CNEP1R1: variants seen among roughly 807,000 people sequenced by gnomAD.
CNEP1R1 encodes nuclear envelope phosphatase-regulatory subunit 1.
CNEP1R1 carries 10 observed loss-of-function variants against 22.7 expected under a neutral mutation model. The ratio of observed to expected loss-of-function variants is 0.44; its 90% CI spans 0.27 to 0.75. The LOEUF is 0.75. Among genes scored for constraint, CNEP1R1 ranks in the 30% least tolerant of loss-of-function variants. The pLI, the probability that CNEP1R1 is intolerant of heterozygous loss-of-function variation, is 0.17. For missense variants in CNEP1R1, 73 were observed against 151.5 expected, an observed-to-expected ratio of 0.48 and a Z score of 2.72; for synonymous variants, 53 against 50.1, an observed-to-expected ratio of 1.06 and a Z score of -0.25.
In CNEP1R1 at chr16:50,035,706, G is replaced by A; in HGVS notation, c.*248G>A. 1 of 436,624 alleles carries A rather than the reference G, an allele frequency of 2.3e-6. No homozygotes were observed. Among genetic ancestry groups the A allele is most frequent in the Non-Finnish European group, 4.1e-6 (1 of 245,374 alleles). 27.0% of individuals were successfully genotyped at this position (436,624 alleles called of 1,614,324 possible). Reference sequence around the variant, plus strand: ...TACTTCAGATCCTGCAAATATTTTTGCAGATGAAGTATGTATGTATGTTAC... The same window carrying A: ...TACTTCAGATCCTGCAAATATTTTTACAGATGAAGTATGTATGTATGTTAC... On this transcript the variant is annotated 3_prime_UTR_variant, in exon 6 of 6. Transcript: ENST00000427478.
intron 3 of CNEP1R1, among the ~76,000 whole-genome samples, chr16:50,032,441 T>C (rs2036238820): frequency 6.6e-6 from 1 of 152,244 alleles, no homozygotes; most frequent in South Asian, 2.1e-4. Flanking sequence ...TAGTTCTTTA[T>C]GGATAGCTAC....
At chr16:50,026,783 T>C (rs770443515) in intron 2 of CNEP1R1, 4 of 240,430 alleles carry the variant, frequency 1.7e-5, no homozygotes, top group Non-Finnish European at 3.3e-5. Flanking sequence ...AAGACTAGCG[T>C]GGCCAACACG....
intron 1 of CNEP1R1, 149 bp downstream of exon 1, chr16:50,025,489 G>A (rs2036172218): frequency 9.0e-7 from 1 of 1,109,610 alleles, no homozygotes; most frequent in Non-Finnish European, 1.3e-6. Flanking sequence ...GTAGGCGGCC[G>A]TACCTGGCCA....
Position 50,025,290 on chromosome 16 carries a change from G to C in CNEP1R1, c.-26G>C, listed in dbSNP as rs537987713. ...GAAGCTGCGATGCGGACAGGGCAGC[G>C]GCGGTGACCCGAGCTGCCGCCCGAC... On this transcript the variant is annotated 5_prime_UTR_variant, in exon 1 of 6. Transcript: ENST00000427478. 7.0e-7 allele frequency: 1 copy of C among 1,426,352 alleles called. No homozygotes were observed. The highest frequency in any genetic ancestry group is 2.8e-5 in the East Asian group (1 of 36,202). 88.4% of individuals were successfully genotyped at this position (1,426,352 alleles called of 1,614,324 possible).
intron 1 of CNEP1R1, 91 bp downstream of exon 1, chr16:50,025,431 G>T: frequency 7.6e-7 from 1 of 1,312,884 alleles, no homozygotes; most frequent in Non-Finnish European, 1.0e-6. Flanking sequence ...CCCCGCCCCG[G>T]GAGGAGGCCG....
intron 3 of CNEP1R1, among the ~76,000 whole-genome samples, chr16:50,030,405 G>A (rs1471404669): frequency 2.0e-5 from 3 of 152,114 alleles, no homozygotes; most frequent in Non-Finnish European, 4.4e-5. Flanking sequence ...CTACACTCCA[G>A]CCTGTGTGAC....
intron 1 of CNEP1R1, chr16:50,026,026 T>A (rs537457116): frequency 4.2e-5 from 19 of 447,790 alleles, no homozygotes; most frequent in African/African-American, 3.7e-4. Flanking sequence ...TAATAGGAAG[T>A]TCTTGGTTCC....
Position 50,035,399 on chromosome 16 carries a change from G to A in CNEP1R1, c.337-18G>A, listed in dbSNP as rs1567412401. On this transcript the variant is annotated intron_variant, in intron 5 of 5. Transcript: ENST00000427478. ...TAGAACTGTGTATTGAAAAAATTCT[G>A]TCTTTTCATTTTTGCAGACAGGAAA... The A allele has an allele frequency of 3.4e-6, 5 of 1,478,294 alleles. No individual in the cohort carries two copies. The highest frequency in any genetic ancestry group is 4.7e-6 in the Non-Finnish European group (5 of 1,072,808). 91.6% of individuals were successfully genotyped at this position (1,478,294 alleles called of 1,614,324 possible).
At position 50,029,667 on chromosome 16, in the gene CNEP1R1, A is replaced by G. The variant is rs369907541; in HGVS notation, c.98-58A>G. 19 of 987,050 alleles carry G rather than the reference A, an allele frequency of 1.9e-5. No individual in the cohort carries two copies. The East Asian group carries it at 2.2e-4, about 11-fold the overall frequency. 61.1% of individuals were successfully genotyped at this position (987,050 alleles called of 1,614,324 possible). ...TGTCATTTAGTAGGAACTGGTGGTG[A>G]TAGTATCACATATTAAGTATGTATT... On this transcript the variant is annotated intron_variant, in intron 2 of 5. Transcript: ENST00000427478.
chr16:50,032,823 A>G (rs2036242524), intron 3 of CNEP1R1, among the ~76,000 whole-genome samples: 1 of 152,020 alleles, frequency 6.6e-6, no homozygotes. Context: ...TGGCCAACAT[A>G]GTGAAACCCC....
chr16:50,035,298 A>G, intron 5 of CNEP1R1, 119 bp from the exon 6 acceptor site: 1 of 612,154 alleles, frequency 1.6e-6, no homozygotes, highest in Admixed American at 3.2e-5. Flanking sequence ...TAATTGTTTA[A>G]TCTTGACTAT....
chr16:50,033,313 A>G (rs2036247142), intron 3 of CNEP1R1, 84 bp from the exon 4 acceptor site: 1 of 573,192 alleles, frequency 1.7e-6, no homozygotes, highest in Non-Finnish European at 3.1e-6. Context: ...AAAATATTAT[A>G]TATATTTATG....
intron 4 of CNEP1R1, 67 bp downstream of exon 4, chr16:50,033,573 G>C (rs984725171): frequency 2.3e-6 from 2 of 865,516 alleles, no homozygotes; most frequent in Non-Finnish European, 1.8e-6. Context: ...ATGGTTAAAA[G>C]CTTACTCTTG....
intron 2 of CNEP1R1, among the ~76,000 whole-genome samples, chr16:50,027,573 G>A (rs1000616365): frequency 1.1e-4 from 16 of 151,782 alleles, no homozygotes; most frequent in Non-Finnish European, 7.4e-5. Context: ...CAACTTGGGA[G>A]GATCACTTGA....
chr16:50,025,427 C>T (rs2036171397), intron 1 of CNEP1R1, 87 bp downstream of exon 1: 1 of 1,333,888 alleles, frequency 7.5e-7, no homozygotes. Context: ...AGACCCCCGC[C>T]CCGGGAGGAG....
intron 2 of CNEP1R1, among the ~76,000 whole-genome samples, chr16:50,027,476 C>A (rs1214943061): frequency 1.3e-5 from 2 of 149,630 alleles, no homozygotes; most frequent in Non-Finnish European, 3.0e-5. Context: ...CCACTGCACT[C>A]CAACCTGGGC....
intron 2 of CNEP1R1, among the ~76,000 whole-genome samples, chr16:50,027,954 G>T (rs765400915): frequency 3.3e-5 from 5 of 152,056 alleles, no homozygotes; most frequent in Non-Finnish European, 7.4e-5. Flanking sequence ...GTTTGGAATA[G>T]TTTTTATTTG....
chr16:50,025,461 C>A, intron 1 of CNEP1R1, 121 bp downstream of exon 1: 2 of 1,221,298 alleles, frequency 1.6e-6, no homozygotes, highest in Non-Finnish European at 2.2e-6. Context: ...GAGCTAGGGG[C>A]CCGGAGCTTG....
At position 50,029,885 on chromosome 16, in the gene CNEP1R1, C is replaced by T. The variant is rs767312057; in HGVS notation, c.171+87C>T. ...TTGTTAATGATAAAGTATTCAAACACTACCTATTAACTACTACTAGTGATA... is the reference window on the plus strand; with the variant it reads ...TTGTTAATGATAAAGTATTCAAACATTACCTATTAACTACTACTAGTGATA... On this transcript the variant is annotated intron_variant, in intron 3 of 5. Coordinates refer to ENST00000427478, the MANE Select transcript of CNEP1R1 (RefSeq NM_001281789.2). The T allele has an allele frequency of 4.0e-6, 3 of 756,896 alleles. No homozygotes were observed. In the African/African-American group the frequency reaches 5.2e-5, roughly 13 times the overall value. 46.9% of individuals were successfully genotyped at this position (756,896 alleles called of 1,614,324 possible).
Sources: allele counts gnomAD v4.1 joint callset (sites outside exome capture counted in the v4.1 genomes callset), GRCh38; gene constraint gnomAD v4.1.1; transcripts MANE v1.5; gene names NCBI Gene and HGNC (gene_info 2026-07-23, HGNC 2026-07-21).